Variants in RGS12 observed in about 807,000 individuals in gnomAD.
RGS12 encodes the protein regulator of G protein signaling 12.
Under a neutral mutation model 120.1 loss-of-function variants are expected in RGS12, and 66 were observed. That is an observed-to-expected ratio of 0.55 (90% CI 0.45 to 0.67). The LOEUF is 0.67. RGS12 is among the 30% of genes least tolerant of loss of function. RGS12 has a pLI of 0.00. For missense variants in RGS12, 1,859 were observed against 1,957.7 expected, an observed-to-expected ratio of 0.95 and a Z score of 0.95; for synonymous variants, 827 against 804.7, an observed-to-expected ratio of 1.03 and a Z score of -0.47.
chr4:3,428,174 T>C lies in RGS12; in HGVS notation c.3411+5T>C, dbSNP rs1206805299. 1 of 1,612,912 alleles carries C rather than the reference T, an allele frequency of 6.2e-7. No homozygotes were observed. Among genetic ancestry groups the C allele is most frequent in the Admixed American group, 1.7e-5 (1 of 60,022 alleles). ...TCCAGAAACCACTCGGCTACGGTAA[T>C]TCCCCACCCTGGCCCACCCTGTGCC... On this transcript the variant is annotated splice_donor_5th_base_variant and intron_variant, in intron 15 of 17. Transcript: ENST00000336727.
chr4:3,285,938 G>A, the RGS12 span, among the ~76,000 whole-genome samples: 15 of 152,202 alleles, frequency 9.9e-5, no homozygotes, highest in Non-Finnish European at 1.8e-4. Flanking sequence ...AAAATGTCCT[G>A]CAAACACCAG....
rs562700040 is a variant in RGS12, at chr4:3,314,892, C to G, written c.-101-1178C>G. ...GCCCCCCGCTGGTGTCAGGACGGTGCCCACCACCCTCAATGAAGAGGGGCT... is the reference window on the plus strand; with the variant it reads ...GCCCCCCGCTGGTGTCAGGACGGTGGCCACCACCCTCAATGAAGAGGGGCT... On this transcript the variant is annotated intron_variant, in intron 1 of 17. Coordinates refer to ENST00000336727, the MANE Select transcript of RGS12 (RefSeq NM_001394154.1). The G allele has an allele frequency of 2.0e-5, 3 of 152,294 alleles. No homozygotes were observed. The East Asian group carries it at 5.8e-4, about 29-fold the overall frequency. The allele number at this position is 152,294 out of a possible 1,614,324, so 9.4% of individuals were successfully genotyped here.
At chr4:3,290,026 C>T (rs976482038), upstream of RGS12, among the ~76,000 whole-genome samples, 8 of 152,182 alleles carry the variant, frequency 5.3e-5, no homozygotes, top group Non-Finnish European at 2.9e-5. Context: ...CAGTAATTCA[C>T]GATGTTTTCT....
rs910597278 is a variant in RGS12, at chr4:3,433,799, G to A, written c.4114+2844G>A. Among the ~76,000 whole-genome samples the A allele has an allele frequency of 9.8e-5, 15 of 152,324 alleles. No individual in the cohort carries two copies. Among genetic ancestry groups the A allele is most frequent in the African/African-American group, 2.9e-4 (12 of 41,574 alleles). ...CTGTCTAGCCCCAGCACCACGCACC[G>A]AGACCGAGACCATGCACCATGCAGG... On this transcript the variant is annotated intron_variant, in intron 17 of 17. Coordinates refer to ENST00000336727, the MANE Select transcript of RGS12 (RefSeq NM_001394154.1). The surrounding 1 kb of genome is among the most constrained non-coding windows in gnomAD (Gnocchi z 4.4).
At chr4:3,410,720 T>C (rs781272370) in intron 4 of RGS12, among the ~76,000 whole-genome samples, 22 of 152,236 alleles carry the variant, frequency 1.4e-4, no homozygotes, top group Non-Finnish European at 2.6e-4. Context: ...GCCAGGAGGA[T>C]GGCTACAAAC....
chr4:3,391,272 T>C (rs533631049), intron 4 of RGS12, among the ~76,000 whole-genome samples: 10 of 152,282 alleles, frequency 6.6e-5, no homozygotes, highest in Admixed American at 1.3e-4. Flanking sequence ...TTTTCAGTTT[T>C]GGAAGTGTGG....
intron 1 of RGS12, among the ~76,000 whole-genome samples, chr4:3,294,281 G>A (rs891596994): frequency 6.6e-6 from 1 of 152,236 alleles, no homozygotes; most frequent in African/African-American, 2.4e-5. Flanking sequence ...CCCAGGCAAG[G>A]CAGCAGCCCC....
Position 3,365,864 on chromosome 4 carries a change from T to C in RGS12, c.1999-20552T>C, listed in dbSNP as rs1716250247. ...GAACTCCGGACATGTAATAGGATTC[T>C]TCAGTGCTTCAGGGCCTTCTCATTG... On this transcript the variant is annotated intron_variant, in intron 3 of 17. Coordinates refer to ENST00000336727, the MANE Select transcript of RGS12 (RefSeq NM_001394154.1). This position sits in a 1 kb window ranked among gnomAD's most constrained non-coding sequence, Gnocchi z 4.0. Among the ~76,000 whole-genome samples the C allele has an allele frequency of 6.6e-6, 1 of 152,242 alleles. No individual in the cohort carries two copies. The highest frequency in any genetic ancestry group is 2.1e-4 in the South Asian group (1 of 4,836).
intron 3 of RGS12, among the ~76,000 whole-genome samples, chr4:3,383,302 C>T (rs983481951): frequency 1.1e-4 from 16 of 151,898 alleles, no homozygotes; most frequent in African/African-American, 3.4e-4. Context: ...TTTGGAGTAG[C>T]GGTATATTAA....
At chr4:3,313,892 G>A (rs1724567563) in intron 1 of RGS12, among the ~76,000 whole-genome samples, 1 of 152,182 alleles carries the variant, frequency 6.6e-6, no homozygotes, top group Non-Finnish European at 1.5e-5. Context: ...GGATGTGGGT[G>A]TATCAGGGGC....
In RGS12 at chr4:3,374,074, A is replaced by G. The variant is rs1353307373; in HGVS notation, c.1999-12342A>G. Among the ~76,000 whole-genome samples the G allele has an allele frequency of 6.6e-6, 1 of 152,174 alleles. No homozygotes were observed. The highest frequency in any genetic ancestry group is 1.5e-5 in the Non-Finnish European group (1 of 68,030). On this transcript the variant is annotated intron_variant, in intron 3 of 17. Transcript: ENST00000336727. This position sits in a 1 kb window ranked among gnomAD's most constrained non-coding sequence, Gnocchi z 6.3. ...GCGAGCCCGCTTGGCGAGGCCCTTGAGCACTCAGCACCTTCTCCTACCATG... is the reference window on the plus strand; with the variant it reads ...GCGAGCCCGCTTGGCGAGGCCCTTGGGCACTCAGCACCTTCTCCTACCATG...
rs144393142 is a variant in RGS12, at chr4:3,422,543, G to A, written c.3006G>A (p.Ala1002=). 99 of 1,612,610 alleles carry A rather than the reference G, an allele frequency of 6.1e-5. No individual in the cohort carries two copies. The African/African-American group carries it at 1.1e-3, about 17-fold the overall frequency. ...CERHGINGAA[A]DLFLVGGDKP... The stretch of plus-strand genomic sequence containing the variant: ...GGCATGGCATCAACGGGGCGGCCGC[G>A]GACCTCTTCCTGGTGGGCGGGGACA... The change falls in exon 11 of 18, where the codon GCG becomes GCA. Residue 1002 remains alanine, a synonymous_variant. Transcript: ENST00000336727.
At position 3,365,707 on chromosome 4, in the gene RGS12, C is replaced by A. The variant is rs569011652; in HGVS notation, c.1999-20709C>A. ...TCAGAATAAGCTCCTTTTACCCTGT[C>A]TCTTAGGTTTGCGACTTTGCTATTT... On this transcript the variant is annotated intron_variant, in intron 3 of 17. Coordinates refer to ENST00000336727, the MANE Select transcript of RGS12 (RefSeq NM_001394154.1). This position sits in a 1 kb window ranked among gnomAD's most constrained non-coding sequence, Gnocchi z 4.0. Among the ~76,000 whole-genome samples, 44 of 152,186 alleles carry A rather than the reference C, an allele frequency of 2.9e-4. No homozygotes were observed. Among genetic ancestry groups the A allele is most frequent in the Non-Finnish European group, 6.2e-4 (42 of 68,034 alleles).
At position 3,316,762 on chromosome 4, in the gene RGS12, G is replaced by A. The variant is rs1399694003; in HGVS notation, c.592G>A (p.Glu198Lys). Residue 198 changes from glutamate to lysine, a missense_variant, in exon 2 of 18, where the codon GAA becomes AAA. Physicochemically the swap from Glu to Lys is moderately conservative, Grantham distance 56. This residue lies in a region of RGS12 where 967 missense variants were observed against 994.2 expected (regional missense o/e 0.97). Transcript: ENST00000336727. ...NPNPNMLSKE[E>K]ISKVIHDDSV... ...AAATCCCAACATGCTTTCTAAGGAGGAAATATCAAAAGTTATTCATGATGA... is the reference window on the plus strand; with the variant it reads ...AAATCCCAACATGCTTTCTAAGGAGAAAATATCAAAAGTTATTCATGATGA... 6.2e-7 allele frequency: 1 copy of A among 1,614,230 alleles called. No individual in the cohort carries two copies. Among genetic ancestry groups the A allele is most frequent in the South Asian group, 1.1e-5 (1 of 91,084 alleles).
chr4:3,335,226 C>G (rs1712307792), intron 2 of RGS12, among the ~76,000 whole-genome samples: 1 of 152,228 alleles, frequency 6.6e-6, no homozygotes, highest in Non-Finnish European at 1.5e-5. Flanking sequence ...CTTCCTTTCA[C>G]AAAACGTGCT....
At chr4:3,387,376 A>G (rs1301192691) in intron 4 of RGS12, among the ~76,000 whole-genome samples, 1 of 152,188 alleles carries the variant, frequency 6.6e-6, no homozygotes, top group Non-Finnish European at 1.5e-5. Flanking sequence ...TGCTGTCCCC[A>G]GGTAGGCAGA....
chr4:3,433,348 C>T lies in RGS12; in HGVS notation c.4114+2393C>T, dbSNP rs562838724. Among the ~76,000 whole-genome samples the T allele has an allele frequency of 1.7e-4, 26 of 152,320 alleles. No individual in the cohort carries two copies. In the East Asian group the frequency reaches 1.9e-3, roughly 11 times the overall value. The stretch of plus-strand genomic sequence containing the variant: ...GCCATGGTGGGCAGCATGCCGGCTA[C>T]GCGTGGGGGCTGCCAGCAACAGCCT... On this transcript the variant is annotated intron_variant, in intron 17 of 17. Coordinates refer to ENST00000336727, the MANE Select transcript of RGS12 (RefSeq NM_001394154.1). This position sits in a 1 kb window ranked among gnomAD's most constrained non-coding sequence, Gnocchi z 4.4.
chr4:3,359,523 C>G lies in RGS12; in HGVS notation c.1998+16470C>G, dbSNP rs575286648. Among the ~76,000 whole-genome samples the G allele has an allele frequency of 2.1e-5, 3 of 141,966 alleles. No homozygotes were observed. In the East Asian group the frequency reaches 6.3e-4, roughly 30 times the overall value. 93.1% of individuals were successfully genotyped at this position (141,966 alleles called of 152,430 possible). A position where few individuals can be genotyped will look rare whatever the true frequency, so the allele number is the denominator to read the frequency against. On this transcript the variant is annotated intron_variant, in intron 3 of 17. Transcript: ENST00000336727. Reference sequence around the variant, plus strand: ...TGGTAGAATTCACCAGTGAAGCCCTCAGGTCCAGGGCTTTCCTTTATCAGG... The same window carrying G: ...TGGTAGAATTCACCAGTGAAGCCCTGAGGTCCAGGGCTTTCCTTTATCAGG...
chr4:3,364,617 G>A (rs908143483), intron 3 of RGS12, among the ~76,000 whole-genome samples: 3 of 152,164 alleles, frequency 2.0e-5, no homozygotes, highest in African/African-American at 7.2e-5. Context: ...AGGGAGCCAG[G>A]GCAGGTGTTG....
Sources: allele counts gnomAD v4.1 joint callset (sites outside exome capture counted in the v4.1 genomes callset), GRCh38; gene constraint gnomAD v4.1.1; regional missense constraint gnomAD v4.1.1; non-coding constraint Gnocchi (gnomAD v3.1); transcripts MANE v1.5; gene names NCBI Gene and HGNC (gene_info 2026-07-23, HGNC 2026-07-21).